The following MAPKAP1 variants were observed in gnomAD, a reference collection of about 807,000 sequenced individuals.
The protein encoded by MAPKAP1 is MAPK associated protein 1, also known as target of rapamycin complex 2 subunit MAPKAP1.
A neutral mutation model predicts 65.7 loss-of-function variants in MAPKAP1; 20 were observed. The observed-to-expected ratio is 0.30, with a 90% CI of 0.21 to 0.44. The LOEUF is 0.44. MAPKAP1 is among the 20% of genes least tolerant of loss of function. MAPKAP1 has a pLI of 1.00. For synonymous variants in MAPKAP1, 222 were observed against 244.3 expected (o/e 0.91, Z 0.85); for missense variants, 423 against 648.0 (o/e 0.65, Z 3.77).
intron 7 of MAPKAP1, among the ~76,000 whole-genome samples, chr9:125,517,344 C>T (rs575656567): frequency 1.3e-5 from 2 of 152,234 alleles, no homozygotes; most frequent in East Asian, 1.9e-4. Flanking sequence ...TCACAGCAGG[C>T]GTGTCACATG....
chr9:125,603,436 C>T (rs1449694774), intron 4 of MAPKAP1, among the ~76,000 whole-genome samples: 3 of 152,122 alleles, frequency 2.0e-5, no homozygotes, highest in Non-Finnish European at 4.4e-5. Context: ...AACATGGCAT[C>T]GAGCTCCAAC....
At chr9:125,520,655 C>T (rs530996820) in intron 7 of MAPKAP1, among the ~76,000 whole-genome samples, 6 of 152,296 alleles carry the variant, frequency 3.9e-5, no homozygotes, top group Admixed American at 1.3e-4. Context: ...CACATTTCAG[C>T]GTCCCTACAT....
chr9:125,683,458 A>G (rs534099312), intron 1 of MAPKAP1, among the ~76,000 whole-genome samples: 1 of 152,204 alleles, frequency 6.6e-6, no homozygotes, highest in Non-Finnish European at 1.5e-5. Flanking sequence ...TTGAAGAAGC[A>G]AACAGCTATG....
chr9:125,506,503 C>T, intron 7 of MAPKAP1, 86 bp from the exon 8 acceptor site: 1 of 1,075,164 alleles, frequency 9.3e-7, no homozygotes, highest in Non-Finnish European at 1.4e-6. Context: ...TGGTGAAAAG[C>T]TGATAAAGCC....
chr9:125,627,958 A>T (rs1055207447), intron 4 of MAPKAP1, among the ~76,000 whole-genome samples: 2 of 152,208 alleles, frequency 1.3e-5, no homozygotes, highest in African/African-American at 4.8e-5. Context: ...ACCATTTTAT[A>T]ATTCTCTACG....
chr9:125,440,295 T>G (rs1019207113), intron 11 of MAPKAP1, among the ~76,000 whole-genome samples: 1 of 152,236 alleles, frequency 6.6e-6, no homozygotes, highest in Non-Finnish European at 1.5e-5. Context: ...TCAAGGCCAA[T>G]GACAATAATG....
intron 5 of MAPKAP1, among the ~76,000 whole-genome samples, chr9:125,560,112 T>C (rs191526053): frequency 9.2e-5 from 14 of 152,214 alleles, no homozygotes; most frequent in African/African-American, 3.4e-4. Context: ...AGATTTAGTA[T>C]CAGCCCTAAA....
At chr9:125,664,773 A>G (rs1167780416) in intron 3 of MAPKAP1, among the ~76,000 whole-genome samples, 1 of 151,666 alleles carries the variant, frequency 6.6e-6, no homozygotes, top group Non-Finnish European at 1.5e-5. Context: ...AGAGAACACC[A>G]AAGACTCCTC....
At chr9:125,602,887 G>A (rs1487807820) in intron 4 of MAPKAP1, among the ~76,000 whole-genome samples, 1 of 152,066 alleles carries the variant, frequency 6.6e-6, no homozygotes, top group African/African-American at 2.4e-5. Flanking sequence ...AGAACCCTCT[G>A]ATTCCGTTTT....
Position 125,577,078 on chromosome 9 carries a change from G to A in MAPKAP1, c.671+8477C>T, listed in dbSNP as rs868455768. ...CCATCCCATCTAGGAAGTGAGGAGC[G>A]CCTCTTCCCGGCCGCCATCCCATCT... On this transcript the variant is annotated intron_variant, in intron 5 of 11. Transcript: ENST00000265960. 4.4e-3 allele frequency among the ~76,000 whole-genome samples: 663 copies of A among 150,352 alleles called. 5 individuals are homozygous for A. The highest frequency in any genetic ancestry group is 0.016 in the African/African-American group (636 of 40,792).
intron 9 of MAPKAP1, among the ~76,000 whole-genome samples, chr9:125,477,005 G>A (rs752281167): frequency 2.0e-5 from 3 of 152,164 alleles, no homozygotes; most frequent in Non-Finnish European, 2.9e-5. Flanking sequence ...TCTAGGACAT[G>A]TGGTATTGTA....
chr9:125,503,399 G>A (rs908615667), intron 8 of MAPKAP1, among the ~76,000 whole-genome samples: 9 of 152,314 alleles, frequency 5.9e-5, no homozygotes, highest in East Asian at 3.9e-4. Context: ...AAAAGCGCTC[G>A]TAGGCGTTGA....
intron 4 of MAPKAP1, among the ~76,000 whole-genome samples, chr9:125,654,788 T>C (rs948897270): frequency 2.0e-5 from 3 of 152,240 alleles, no homozygotes; most frequent in African/African-American, 7.2e-5. Flanking sequence ...TGTGCCTGCT[T>C]GACTAAAATG....
chr9:125,677,264 C>T (rs1004611758), intron 1 of MAPKAP1, among the ~76,000 whole-genome samples: 1 of 152,004 alleles, frequency 6.6e-6, no homozygotes. Context: ...CATGTGAAAC[C>T]CCATCTCTAC....
At chr9:125,658,240 A>G (rs1834088854) in intron 3 of MAPKAP1, among the ~76,000 whole-genome samples, 1 of 152,210 alleles carries the variant, frequency 6.6e-6, no homozygotes, top group African/African-American at 2.4e-5. Context: ...TTCAAGGTCA[A>G]GATCTGCATA....
intron 1 of MAPKAP1, among the ~76,000 whole-genome samples, chr9:125,698,792 TTTC>T (rs1440153991): frequency 6.6e-6 from 1 of 152,154 alleles, no homozygotes; most frequent in Non-Finnish European, 1.5e-5. Context: ...CTTGGAAGTG[TTTC>T]TTGTTACTCA....
In MAPKAP1 at chr9:125,678,454, G is replaced by A. The variant is rs186777770; in HGVS notation, c.-69-5811C>T. Among the ~76,000 whole-genome samples the A allele has an allele frequency of 8.5e-3, 1,289 of 152,052 alleles. 9 individuals are homozygous for A. The highest frequency in any genetic ancestry group is 0.012 in the Admixed American group (186 of 15,280). ...AGACAGGGTTTCCCCATGTTAGCCA[G>A]GATGGCCTCGATCTCCTGACCTCGT... On this transcript the variant is annotated intron_variant, in intron 1 of 11. Coordinates refer to ENST00000265960, the MANE Select transcript of MAPKAP1 (RefSeq NM_001006617.3).
At chr9:125,464,030 T>A (rs1853589167) in intron 10 of MAPKAP1, among the ~76,000 whole-genome samples, 1 of 151,850 alleles carries the variant, frequency 6.6e-6, no homozygotes. Flanking sequence ...AGGGTAGGAA[T>A]GTGAGGCCAG....
chr9:125,440,421 G>A (rs1239567409), intron 11 of MAPKAP1, among the ~76,000 whole-genome samples: 3 of 152,180 alleles, frequency 2.0e-5, no homozygotes, highest in Non-Finnish European at 2.9e-5. Flanking sequence ...GTGAACAGAC[G>A]CTATTTCTCT....
Sources: gnomAD v4.1 joint callset for allele counts (sites outside exome capture counted in the v4.1 genomes callset) on GRCh38, gnomAD v4.1.1 for gene constraint, MANE v1.5 for transcripts, NCBI Gene and HGNC (gene_info 2026-07-23, HGNC 2026-07-21) for gene names.